The following ANK3 variants were observed in gnomAD, a reference collection of about 807,000 sequenced individuals.
ANK3 encodes ankyrin-3.
Under a neutral mutation model 370.9 loss-of-function variants are expected in ANK3, and 57 were observed. That is an observed-to-expected ratio of 0.15 (90% confidence interval 0.12 to 0.19). The LOEUF is 0.19. Among genes scored for constraint, ANK3 ranks in the 10% least tolerant of loss-of-function variants. The pLI, the probability that ANK3 is intolerant of heterozygous loss-of-function variation, is 1.00. For missense variants in ANK3, 4,439 were observed against 5,302.1 expected, an observed-to-expected ratio of 0.84 and a Z score of 5.06; for synonymous variants, 1,929 against 1,946.3, an observed-to-expected ratio of 0.99 and a Z score of 0.23.
At chr10:60,415,925 C>A (rs1028781159) in intron 2 of ANK3, among the ~76,000 whole-genome samples, 14 of 122,668 alleles carry the variant, frequency 1.1e-4, no homozygotes, top group Admixed American at 6.1e-4. Flanking sequence ...TGCCCCCCAC[C>A]CCCCCGCCAT....
intron 2 of ANK3, among the ~76,000 whole-genome samples, chr10:60,400,094 CTG>C (rs1304546083): frequency 2.7e-5 from 4 of 150,598 alleles, no homozygotes; most frequent in Non-Finnish European, 4.4e-5. Context: ...TGGCTAAAGT[CTG>C]TACTACACCA....
At chr10:60,435,870 CG>C (rs956547462) in intron 2 of ANK3, among the ~76,000 whole-genome samples, 1 of 152,080 alleles carries the variant, frequency 6.6e-6, no homozygotes, top group African/African-American at 2.4e-5. Context: ...GAGGCCGAGG[CG>C]GGCGGATCAC....
rs993060144 is a variant in ANK3, at chr10:60,479,915, A to T, written c.96+135271T>A. On this transcript the variant is annotated intron_variant, in intron 2 of 43. Coordinates refer to the ANK3 transcript ENST00000373827. ...CCTCTTTCTCCTTATAGATTACTTG[A>T]GGGAAGGGGCTTGGTCTTGTTTATG... Among the ~76,000 whole-genome samples, 6 of 152,174 alleles carry T rather than the reference A, an allele frequency of 3.9e-5. No homozygotes were observed. The East Asian group carries it at 1.2e-3, about 29-fold the overall frequency.
At chr10:60,300,454 C>T in intron 1 of ANK3, 2 of 1,285,472 alleles carry the variant, frequency 1.6e-6, no homozygotes, top group East Asian at 5.6e-5. Flanking sequence ...TAAAGGTTTC[C>T]CCCACTTCCT....
At chr10:60,732,114 T>C (rs2080030632) in intron 1 of ANK3, among the ~76,000 whole-genome samples, 1 of 152,152 alleles carries the variant, frequency 6.6e-6, no homozygotes, top group African/African-American at 2.4e-5. Flanking sequence ...ACGATTCAAA[T>C]GTGCCTCATT....
At chr10:60,390,761 CACACAA>C (rs201850367), upstream of ANK3, among the ~76,000 whole-genome samples, 30,498 of 118,006 alleles carry the variant, frequency 0.26, 3,572 homozygotes, top group South Asian at 0.39. Flanking sequence ...CACACACACA[CACACAA>C]ACAACAATTT....
At chr10:60,088,659 C>T (rs567444791) in intron 28 of ANK3, among the ~76,000 whole-genome samples, 41 of 152,150 alleles carry the variant, frequency 2.7e-4, no homozygotes, top group South Asian at 6.2e-4. Flanking sequence ...TCGCGACCTC[C>T]GGTGATCTGC....
At chr10:60,057,152 T>C (rs1238971488) in intron 41 of ANK3, among the ~76,000 whole-genome samples, 5 of 152,172 alleles carry the variant, frequency 3.3e-5, no homozygotes, top group Admixed American at 6.5e-5. Flanking sequence ...TGAATCTCAT[T>C]TTTCTCTACT....
chr10:60,168,555 A>C (rs541931745), intron 21 of ANK3, among the ~76,000 whole-genome samples: 109 of 152,150 alleles, frequency 7.2e-4, no homozygotes, highest in African/African-American at 2.5e-3. Context: ...AAAAAAATTA[A>C]TTTAAGTTCC....
At chr10:60,455,488 T>C (rs1341379110) in intron 2 of ANK3, among the ~76,000 whole-genome samples, 1 of 152,184 alleles carries the variant, frequency 6.6e-6, no homozygotes, top group Non-Finnish European at 1.5e-5. Context: ...TACTAACATT[T>C]TATATTTCAT....
intron 1 of ANK3, among the ~76,000 whole-genome samples, chr10:60,675,921 A>G (rs949500187): frequency 4.7e-4 from 72 of 152,026 alleles, no homozygotes; most frequent in African/African-American, 1.6e-3. Context: ...AAGTTGAAAT[A>G]TTGAGATAAT....
chr10:60,193,471 C>A (rs968694142), intron 16 of ANK3, among the ~76,000 whole-genome samples: 1 of 151,098 alleles, frequency 6.6e-6, no homozygotes, highest in Non-Finnish European at 1.5e-5. Context: ...AGCTGGCCAA[C>A]ATGAAGAAAC....
chr10:60,309,819 A>G (rs748272420), intron 1 of ANK3, among the ~76,000 whole-genome samples: 1 of 152,204 alleles, frequency 6.6e-6, no homozygotes, highest in African/African-American at 2.4e-5. Context: ...TAAGAGTTAC[A>G]TATGCAAAAT....
At chr10:60,350,524 G>T (rs1232173378) in intron 1 of ANK3, among the ~76,000 whole-genome samples, 1 of 152,186 alleles carries the variant, frequency 6.6e-6, no homozygotes, top group Non-Finnish European at 1.5e-5. Flanking sequence ...AATGAAGCCA[G>T]TCCCTTAGCC....
chr10:60,070,499 T>A lies in ANK3; in HGVS notation c.10382A>T (p.Gln3461Leu), dbSNP rs373115573. The change falls in exon 37 of 44, where the codon CAA becomes CTA. Residue 3461 changes from glutamine (Q) to leucine (L), a missense_variant. Coordinates refer to ENST00000280772, the MANE Select transcript of ANK3 (RefSeq NM_020987.5). The surrounding 1 kb of genome is among the most constrained non-coding windows in gnomAD (Gnocchi z 5.7). ...ILKPADRSFSQSKLEVIEEEG... is the reference protein window; with the variant it reads ...ILKPADRSFSLSKLEVIEEEG... ...CTCCTCGATAACTTCAAGTTTACTTTGGCTAAAAGAGCGGTCAGCTGGCTT... is the reference window on the plus strand; with the variant it reads ...CTCCTCGATAACTTCAAGTTTACTTAGGCTAAAAGAGCGGTCAGCTGGCTT... The A allele has an allele frequency of 2.5e-6, 4 of 1,614,206 alleles. No individual in the cohort carries two copies. The South Asian group carries it at 4.4e-5, about 18-fold the overall frequency.
intron 26 of ANK3, among the ~76,000 whole-genome samples, chr10:60,109,843 G>T (rs1186279388): frequency 6.6e-6 from 1 of 152,098 alleles, no homozygotes; most frequent in East Asian, 1.9e-4. Context: ...GTTATTTTTG[G>T]GTAGAAGCAT....
chr10:60,178,148 T>C (rs776530038), intron 18 of ANK3, among the ~76,000 whole-genome samples: 5 of 152,324 alleles, frequency 3.3e-5, no homozygotes, highest in Admixed American at 1.3e-4. Context: ...GCCTGGTACA[T>C]TAAGGCCCTC....
At chr10:60,593,678 A>G (rs963680556) in intron 2 of ANK3, among the ~76,000 whole-genome samples, 1 of 152,208 alleles carries the variant, frequency 6.6e-6, no homozygotes, top group African/African-American at 2.4e-5. Flanking sequence ...ATTTACTACA[A>G]GAAAATTAAA....
At chr10:60,474,207 A>G (rs2074995710) in intron 2 of ANK3, among the ~76,000 whole-genome samples, 1 of 152,194 alleles carries the variant, frequency 6.6e-6, no homozygotes, top group South Asian at 2.1e-4. Context: ...AGTAGCAGAT[A>G]GAAATCCACT....
Sources: allele counts gnomAD v4.1 joint callset (sites outside exome capture counted in the v4.1 genomes callset), GRCh38; gene constraint gnomAD v4.1.1; non-coding constraint Gnocchi (gnomAD v3.1); transcripts MANE v1.5; gene names NCBI Gene and HGNC (gene_info 2026-07-23, HGNC 2026-07-21).